The following SPOCK1 variants were observed in gnomAD, a reference collection of about 807,000 sequenced individuals.
SPOCK1 encodes the protein SPARC (osteonectin), cwcv and kazal like domains proteoglycan 1, also known as testican-1.
In SPOCK1, 23 loss-of-function variants were observed where a neutral mutation model predicts 55.3. The observed-to-expected ratio is 0.42, with a 90% confidence interval of 0.30 to 0.59. The LOEUF (loss-of-function observed/expected upper bound fraction) is 0.59, where lower values mean the gene tolerates loss of function less well. Among genes scored for constraint, SPOCK1 ranks in the 20% least tolerant of loss-of-function variants. SPOCK1 has a pLI of 0.22. For synonymous variants in SPOCK1, 226 were observed against 221.0 expected (o/e 1.02, Z -0.20); for missense variants, 499 against 552.5 (o/e 0.90, Z 0.97).
intron 2 of SPOCK1, among the ~76,000 whole-genome samples, chr5:137,328,369 C>A (rs552327950): frequency 6.6e-6 from 1 of 152,170 alleles, no homozygotes; most frequent in Admixed American, 6.5e-5. Flanking sequence ...AGAAATAAAT[C>A]TCTCATTTAA....
At chr5:136,980,606 G>A (rs532198879) in intron 9 of SPOCK1, among the ~76,000 whole-genome samples, 3 of 152,156 alleles carry the variant, frequency 2.0e-5, no homozygotes, top group Non-Finnish European at 2.9e-5. Flanking sequence ...CTCTGCACAC[G>A]CTCTCTTGCC....
chr5:137,211,930 T>C (rs1755626017), intron 3 of SPOCK1, among the ~76,000 whole-genome samples: 1 of 152,194 alleles, frequency 6.6e-6, no homozygotes, highest in Non-Finnish European at 1.5e-5. Flanking sequence ...CTGTACCCTT[T>C]GTAATATCCT....
chr5:136,986,648 T>C (rs1231820024), intron 8 of SPOCK1, among the ~76,000 whole-genome samples: 4 of 152,104 alleles, frequency 2.6e-5, no homozygotes, highest in African/African-American at 9.6e-5. Flanking sequence ...AGTAAGGTGG[T>C]TGAGAACAAA....
In SPOCK1 at chr5:137,096,080, G is replaced by A. The variant is rs532566966; in HGVS notation, c.474+16355C>T. Among the ~76,000 whole-genome samples the A allele has an allele frequency of 2.6e-5, 4 of 152,300 alleles. No homozygotes were observed. The South Asian group carries it at 6.2e-4, about 24-fold the overall frequency. On this transcript the variant is annotated intron_variant, in intron 5 of 10. Coordinates refer to ENST00000394945, the MANE Select transcript of SPOCK1 (RefSeq NM_004598.4). ...CTGACAGCACTGAAGGCGAGTGACA[G>A]AAGCACTTTGTTTGTAGGATATGAT... is the stretch of plus-strand genomic sequence containing the variant.
intron 6 of SPOCK1, among the ~76,000 whole-genome samples, chr5:137,001,431 T>C (rs536596207): frequency 6.6e-6 from 1 of 152,328 alleles, no homozygotes; most frequent in East Asian, 1.9e-4. Flanking sequence ...GGATGATATC[T>C]CCCAGGTCCT....
chr5:137,499,316 C>G lies in SPOCK1; in HGVS notation c.-138G>C, dbSNP rs930944206. 1 of 151,740 alleles carries G rather than the reference C, an allele frequency of 6.6e-6. No homozygotes were observed. The highest frequency in any genetic ancestry group is 2.1e-4 in the South Asian group (1 of 4,822). The allele number at this position is 151,740 out of a possible 1,614,324, so 9.4% of individuals were successfully genotyped here. ...CGAGCGTCTGGCCGCTTTGTGAGCC[C>G]GCAGCGATGTGCTCTGCTCGCTCGC... On this transcript the variant is annotated 5_prime_UTR_variant, in exon 1 of 11. Coordinates refer to ENST00000394945, the MANE Select transcript of SPOCK1 (RefSeq NM_004598.4).
chr5:137,321,044 T>C (rs922912807), intron 2 of SPOCK1, among the ~76,000 whole-genome samples: 2 of 151,956 alleles, frequency 1.3e-5, no homozygotes, highest in African/African-American at 2.4e-5. Context: ...AAAGAGTATT[T>C]TTTAACCAAA....
At chr5:137,178,158 C>T (rs1420148908) in intron 3 of SPOCK1, among the ~76,000 whole-genome samples, 1 of 152,212 alleles carries the variant, frequency 6.6e-6, no homozygotes, top group African/African-American at 2.4e-5. Flanking sequence ...CCTGTTGCTT[C>T]ACCAAGACAC....
chr5:137,268,204 C>G (rs1241490160), intron 2 of SPOCK1, among the ~76,000 whole-genome samples: 5 of 152,144 alleles, frequency 3.3e-5, no homozygotes. Context: ...CACCTAGGCC[C>G]TTAAATAGAT....
At chr5:137,012,328 G>C (rs1365486076) in intron 6 of SPOCK1, among the ~76,000 whole-genome samples, 1 of 152,108 alleles carries the variant, frequency 6.6e-6, no homozygotes, top group Non-Finnish European at 1.5e-5. Flanking sequence ...GGTTCTAATT[G>C]CCAGAAAATG....
chr5:137,450,769 C>G (rs1342444305), intron 2 of SPOCK1, among the ~76,000 whole-genome samples: 1 of 151,950 alleles, frequency 6.6e-6, no homozygotes, highest in African/African-American at 2.4e-5. Flanking sequence ...GTCATAGGCT[C>G]TCTCCCCTCA....
intron 5 of SPOCK1, among the ~76,000 whole-genome samples, chr5:137,069,163 C>T (rs1752562353): frequency 6.6e-6 from 1 of 152,216 alleles, no homozygotes; most frequent in Admixed American, 6.5e-5. Flanking sequence ...ACAAGCTATT[C>T]AGTCCCTATA....
At chr5:137,212,412 A>G (rs549697939) in intron 3 of SPOCK1, among the ~76,000 whole-genome samples, 13 of 152,312 alleles carry the variant, frequency 8.5e-5, no homozygotes, top group African/African-American at 2.6e-4. Context: ...ATATATTGCA[A>G]CTAATACGTG....
At chr5:137,267,356 G>T (rs1003855584) in intron 2 of SPOCK1, among the ~76,000 whole-genome samples, 1 of 150,328 alleles carries the variant, frequency 6.7e-6, no homozygotes, top group South Asian at 2.1e-4. Context: ...TAGGTGCAAG[G>T]TGTATTTGCT....
intron 2 of SPOCK1, among the ~76,000 whole-genome samples, chr5:137,417,878 T>C (rs1417770831): frequency 1.3e-5 from 2 of 152,216 alleles, no homozygotes; most frequent in Non-Finnish European, 2.9e-5. Flanking sequence ...TATGTATACA[T>C]GTGCCATATT....
chr5:137,264,964 T>C (rs1756818145), intron 3 of SPOCK1, among the ~76,000 whole-genome samples: 1 of 152,162 alleles, frequency 6.6e-6, no homozygotes, highest in Non-Finnish European at 1.5e-5. Context: ...CTTAATTATA[T>C]CCCATAAAGT....
intron 2 of SPOCK1, among the ~76,000 whole-genome samples, chr5:137,289,422 G>C (rs1461941271): frequency 6.6e-6 from 1 of 151,984 alleles, no homozygotes; most frequent in Non-Finnish European, 1.5e-5. Context: ...GTGACTCTTT[G>C]GATTTTACCC....
intron 2 of SPOCK1, among the ~76,000 whole-genome samples, chr5:137,306,109 G>C (rs1251274699): frequency 2.6e-5 from 4 of 152,192 alleles, no homozygotes; most frequent in African/African-American, 9.7e-5. Context: ...GGAACTCACA[G>C]TAACACTTAA....
intron 2 of SPOCK1, among the ~76,000 whole-genome samples, chr5:137,280,721 C>T (rs983265601): frequency 6.6e-6 from 1 of 152,194 alleles, no homozygotes; most frequent in African/African-American, 2.4e-5. Flanking sequence ...GGCAAAATTA[C>T]ATTCTCTTGC....
Sources: allele counts gnomAD v4.1 joint callset (sites outside exome capture counted in the v4.1 genomes callset), GRCh38; gene constraint gnomAD v4.1.1; transcripts MANE v1.5; gene names NCBI Gene and HGNC (gene_info 2026-07-23, HGNC 2026-07-21).